The following KANK1 variants were observed in gnomAD, a reference collection of about 807,000 sequenced individuals.
The protein encoded by KANK1 is KN motif and ankyrin repeat domain-containing protein 1.
Under a neutral mutation model 106.2 loss-of-function variants are expected in KANK1, and 109 were observed. The observed-to-expected ratio is 1.03, with a 90% CI of 0.88 to 1.20. The LOEUF is 1.20. KANK1 is among the 50% of genes most tolerant of loss of function. The probability of loss-of-function intolerance (pLI) is 0.00; values close to 1 mark genes in which losing one functional copy is unlikely to be tolerated. For missense variants in KANK1, 2,399 were observed against 1,710.7 expected (o/e 1.40, Z -7.10); for synonymous variants, 873 against 652.2 (o/e 1.34, Z -5.16).
At chr9:678,485 T>C (rs1816845811) in intron 2 of KANK1, among the ~76,000 whole-genome samples, 1 of 152,044 alleles carries the variant, frequency 6.6e-6, no homozygotes, top group South Asian at 2.1e-4. Context: ...TCCCAGCATT[T>C]TGGGAGGCCG....
intron 1 of KANK1, among the ~76,000 whole-genome samples, chr9:647,160 G>C (rs1268276255): frequency 6.6e-6 from 1 of 151,034 alleles, no homozygotes; most frequent in Non-Finnish European, 1.5e-5. Flanking sequence ...GTATAAATTT[G>C]CCATGGATTT....
At chr9:671,953 AG>A (rs1170185917) in intron 1 of KANK1, among the ~76,000 whole-genome samples, 2 of 152,216 alleles carry the variant, frequency 1.3e-5, no homozygotes, top group Non-Finnish European at 2.9e-5. Flanking sequence ...GTCTCAAAAA[AG>A]AAAAAAAATT....
chr9:556,786 A>G (rs1057253283), intron 1 of KANK1, among the ~76,000 whole-genome samples: 4 of 152,062 alleles, frequency 2.6e-5, no homozygotes, highest in African/African-American at 9.7e-5. Context: ...CAGACCTCCA[A>G]TTTAATTCTT....
intron 1 of KANK1, among the ~76,000 whole-genome samples, chr9:668,207 T>C (rs1845100814): frequency 6.6e-6 from 1 of 152,184 alleles, no homozygotes; most frequent in South Asian, 2.1e-4. Context: ...TTGAGTGAAG[T>C]GTGTTTTATA....
rs768866619 is a variant in KANK1, at chr9:744,587, C to G, written c.3994C>G (p.Pro1332Ala). The G allele has an allele frequency of 2.7e-5, 43 of 1,614,052 alleles. No individual in the cohort carries two copies. The highest frequency in any genetic ancestry group is 3.5e-5 in the Non-Finnish European group (41 of 1,180,036). The change falls in exon 11 of 12, where the codon CCG becomes GCG. Residue 1332 changes from proline (P) to alanine (A), a missense_variant and splice_region_variant. Transcript: ENST00000382297. ...AHVNFAKAQS[P>A]GTPRLGRKTS... The stretch of plus-strand genomic sequence containing the variant: ...TGTCAACTTTGCAAAAGCCCAGTCT[C>G]CGGTCAGTGTTGTGCATTTGGCATT...
At chr9:612,989 A>G (rs1163268980) in intron 1 of KANK1, among the ~76,000 whole-genome samples, 1 of 152,196 alleles carries the variant, frequency 6.6e-6, no homozygotes, top group East Asian at 1.9e-4. Flanking sequence ...TGTTTTATTT[A>G]TATGTACCAA....
chr9:654,404 T>C (rs1288991161), intron 1 of KANK1, among the ~76,000 whole-genome samples: 1 of 152,166 alleles, frequency 6.6e-6, no homozygotes, highest in African/African-American at 2.4e-5. Context: ...TGAATCAAAA[T>C]CTCTGGGAGA....
At chr9:634,721 A>T (rs1181210701) in intron 1 of KANK1, among the ~76,000 whole-genome samples, 2 of 152,220 alleles carry the variant, frequency 1.3e-5, no homozygotes, top group Non-Finnish European at 2.9e-5. Context: ...ATCTTAGCCC[A>T]TGCCCAGGAA....
chr9:567,898 A>G (rs1378562223), intron 1 of KANK1, among the ~76,000 whole-genome samples: 1 of 152,188 alleles, frequency 6.6e-6, no homozygotes, highest in Non-Finnish European at 1.5e-5. Flanking sequence ...TTGAATTTAG[A>G]GTTAATTTTT....
chr9:482,407 G>T (rs1467669141), intron 3 of KANK1, among the ~76,000 whole-genome samples: 1 of 152,202 alleles, frequency 6.6e-6, no homozygotes, highest in Non-Finnish European at 1.5e-5. Context: ...ATAGCTAGCA[G>T]CAATTGATGG....
intron 1 of KANK1, among the ~76,000 whole-genome samples, chr9:607,471 C>T (rs1829502036): frequency 9.1e-6 from 1 of 109,614 alleles, no homozygotes; most frequent in Non-Finnish European, 1.7e-5. Flanking sequence ...GGCGTTACAG[C>T]AAGACTCCAT....
At chr9:559,225 G>A (rs954071556) in intron 1 of KANK1, among the ~76,000 whole-genome samples, 12 of 152,168 alleles carry the variant, frequency 7.9e-5, no homozygotes, top group African/African-American at 2.9e-4. Context: ...TAAACTAAAA[G>A]TTAATGGTAG....
At chr9:593,403 C>T (rs1825463500) in intron 1 of KANK1, among the ~76,000 whole-genome samples, 1 of 151,342 alleles carries the variant, frequency 6.6e-6, no homozygotes, top group Non-Finnish European at 1.5e-5. Flanking sequence ...ATTGTATATA[C>T]TTTCAGACAT....
chr9:717,893 C>G (rs16923077), intron 3 of KANK1, among the ~76,000 whole-genome samples: 1,807 of 152,194 alleles, frequency 0.012, 31 homozygotes, highest in African/African-American at 0.041. Flanking sequence ...CTGCCTGCCC[C>G]ATGATTTATA....
intron 3 of KANK1, among the ~76,000 whole-genome samples, chr9:724,125 T>A (rs1286653829): frequency 5.3e-5 from 8 of 152,062 alleles, no homozygotes; most frequent in Non-Finnish European, 1.2e-4. Context: ...TTGGAGAAAT[T>A]TGAATACTGA....
intron 2 of KANK1, among the ~76,000 whole-genome samples, chr9:696,091 T>C (rs921403183): frequency 1.3e-5 from 2 of 152,140 alleles, no homozygotes; most frequent in African/African-American, 2.4e-5. Context: ...GAGACCATCC[T>C]GGCTAACATG....
At chr9:670,564 AGTTCAT>A (rs1346172627) in intron 1 of KANK1, among the ~76,000 whole-genome samples, 1 of 152,128 alleles carries the variant, frequency 6.6e-6, no homozygotes, top group Non-Finnish European at 1.5e-5. Flanking sequence ...GCTGGCTAGG[AGTTCAT>A]GCCCAAGAGA....
intron 1 of KANK1, among the ~76,000 whole-genome samples, chr9:544,514 A>G (rs1345811324): frequency 3.3e-5 from 5 of 152,232 alleles, no homozygotes; most frequent in Non-Finnish European, 7.3e-5. Context: ...GGACCGGCCA[A>G]CAAACACTAT....
intron 1 of KANK1, among the ~76,000 whole-genome samples, chr9:608,552 C>A (rs1486056991): frequency 6.6e-6 from 1 of 150,868 alleles, no homozygotes; most frequent in Non-Finnish European, 1.5e-5. Flanking sequence ...CATGTGGGAA[C>A]TGTCAAGGTA....
Sources: allele counts gnomAD v4.1 joint callset (sites outside exome capture counted in the v4.1 genomes callset), GRCh38; gene constraint gnomAD v4.1.1; transcripts MANE v1.5; gene names NCBI Gene and HGNC (gene_info 2026-07-23, HGNC 2026-07-21).